HLA-DPA1: variants seen among roughly 807,000 people sequenced by gnomAD.
The protein encoded by HLA-DPA1 is HLA class II histocompatibility antigen, DP alpha 1 chain.
Under a neutral mutation model 21.5 loss-of-function variants are expected in HLA-DPA1, and 20 were observed. The observed-to-expected ratio is 0.93, with a 90% confidence interval of 0.66 to 1.35. HLA-DPA1 has a LOEUF of 1.35. Among genes scored for constraint, HLA-DPA1 ranks in the 40% most tolerant of loss-of-function variants. HLA-DPA1 has a pLI of 0.00. For missense variants in HLA-DPA1, 279 were observed against 323.0 expected, an observed-to-expected ratio of 0.86 and a Z score of 1.05; for synonymous variants, 123 against 129.6, an observed-to-expected ratio of 0.95 and a Z score of 0.35.
At chr6:33,075,247 C>T (rs542989310) in intron 1 of HLA-DPA1, among the ~76,000 whole-genome samples, 1 of 152,236 alleles carries the variant, frequency 6.6e-6, no homozygotes, top group African/African-American at 2.4e-5. Context: ...ATCTTAAGAG[C>T]TTTGCTATAA....
Position 33,080,502 on chromosome 6 carries a change from G to T in HLA-DPA1, c.-100+178C>A. On this transcript the variant is annotated intron_variant, in intron 1 of 5. Coordinates refer to ENST00000419277, the Ensembl canonical transcript of HLA-DPA1. The surrounding 1 kb of genome is among the most constrained non-coding windows in gnomAD (Gnocchi z 4.3). ...CGTGGTGAGAAAACAGGCCTGGAGAGGCTCTGCGACCCGCTTAGGACCACA... is the reference window on the plus strand; with the variant it reads ...CGTGGTGAGAAAACAGGCCTGGAGATGCTCTGCGACCCGCTTAGGACCACA... 2 of 905,966 alleles carry T rather than the reference G, an allele frequency of 2.2e-6. No homozygotes were observed. Among genetic ancestry groups the T allele is most frequent in the African/African-American group, 1.7e-5 (1 of 60,206 alleles). The allele number at this position is 905,966 out of a possible 1,614,324, so 56.1% of individuals were successfully genotyped here.
chr6:33,078,042 A>G (rs1005199377), intron 1 of HLA-DPA1, among the ~76,000 whole-genome samples: 1 of 152,076 alleles, frequency 6.6e-6, no homozygotes, highest in African/African-American at 2.4e-5. Context: ...CAGTGTCAGG[A>G]GGAAGTGACG....
intron 5 of HLA-DPA1, 127 bp from the exon 5 acceptor site, chr6:33,065,474 G>A (rs1056064954): frequency 6.6e-6 from 1 of 152,292 alleles, no homozygotes; most frequent in Admixed American, 6.6e-5. Context: ...GGGAGAAGGT[G>A]GTCATCCCTG....
intron 2 of HLA-DPA1, among the ~76,000 whole-genome samples, chr6:33,070,495 GAA>G (rs990195153): frequency 6.6e-6 from 1 of 151,984 alleles, no homozygotes; most frequent in South Asian, 2.1e-4. Flanking sequence ...AGAAAAGGTA[GAA>G]AAAAATACAA....
At chr6:33,066,590 G>A (rs1348219725) in intron 5 of HLA-DPA1, 3 of 152,088 alleles carry the variant, frequency 2.0e-5, no homozygotes. Flanking sequence ...AAAATATTAA[G>A]GATTTCTCTT....
chr6:33,073,805 G>A (rs779501016), intron 1 of HLA-DPA1, 156 bp from the exon 1 acceptor site: 2 of 509,184 alleles, frequency 3.9e-6, no homozygotes, highest in Admixed American at 7.3e-5. Context: ...TTAGGTACCA[G>A]CGTGGTCAAG....
chr6:33,068,851 G>C lies in HLA-DPA1; in HGVS notation c.629-47C>G, dbSNP rs757994269. The stretch of plus-strand genomic sequence containing the variant: ...AGGGTCAGGAGGTGCAGTGAGGGTG[G>C]TGATGGCCTGGGATGGTTGTGGGAA... On this transcript the variant is annotated intron_variant, in intron 4 of 5. Coordinates refer to ENST00000419277, the Ensembl canonical transcript of HLA-DPA1. 2.4e-5 allele frequency: 38 copies of C among 1,596,090 alleles called. 1 individual carries two copies. The highest frequency in any genetic ancestry group is 9.0e-5 in the East Asian group (4 of 44,582).
At position 33,080,336 on chromosome 6, in the gene HLA-DPA1, T is replaced by C; in HGVS notation, c.-100+344A>G. The C allele has an allele frequency of 2.0e-6, 1 of 504,422 alleles. No individual in the cohort carries two copies. The highest frequency in any genetic ancestry group is 3.9e-6 in the Non-Finnish European group (1 of 256,532). The allele number at this position is 504,422 out of a possible 1,614,324, so 31.2% of individuals were successfully genotyped here. A position where few individuals can be genotyped will look rare whatever the true frequency, so the allele number is the denominator to read the frequency against. The stretch of plus-strand genomic sequence containing the variant: ...TCCCCAGCTCCTCCCGCCCCTGTTT[T>C]TTCTCCCAGTGACCCCACGTGAAAC... On this transcript the variant is annotated intron_variant, in intron 1 of 5. Coordinates refer to ENST00000419277, the Ensembl canonical transcript of HLA-DPA1. This position sits in a 1 kb window ranked among gnomAD's most constrained non-coding sequence, Gnocchi z 4.3.
chr6:33,066,407 A>G, intron 5 of HLA-DPA1: 1 of 152,356 alleles, frequency 6.6e-6, no homozygotes, highest in East Asian at 1.9e-4. Flanking sequence ...ATAAAGAAAA[A>G]TAAAACATGA....
chr6:33,069,643 T>C (rs768879911), exon 3 of HLA-DPA1: 30 of 1,612,092 alleles, frequency 1.9e-5, no homozygotes, highest in East Asian at 4.5e-5. Flanking sequence ...GGGCGTACCG[T>C]TGGTGGCCTG....
chr6:33,076,390 G>A (rs1762540996), intron 1 of HLA-DPA1, among the ~76,000 whole-genome samples: 2 of 143,242 alleles, frequency 1.4e-5, no homozygotes, highest in South Asian at 2.2e-4. Flanking sequence ...TGTCTTTGGG[G>A]AAAATGGGAC....
At chr6:33,079,769 A>G (rs1389976938) in intron 1 of HLA-DPA1, 1 of 491,696 alleles carries the variant, frequency 2.0e-6, no homozygotes, top group Non-Finnish European at 4.0e-6. Flanking sequence ...AATTTCCTCC[A>G]GAACTGCAAA....
intron 5 of HLA-DPA1, chr6:33,068,320 C>T (rs1762063613): frequency 4.3e-6 from 1 of 235,002 alleles, no homozygotes. Context: ...AGCCCTACTA[C>T]TTCATAGCTG....
chr6:33,075,805 T>C (rs936876298), intron 1 of HLA-DPA1: 2 of 521,228 alleles, frequency 3.8e-6, no homozygotes, highest in Non-Finnish European at 6.8e-6. Flanking sequence ...TCCGTCATCT[T>C]AAGTGCATCA....
intron 1 of HLA-DPA1, among the ~76,000 whole-genome samples, chr6:33,077,026 C>T (rs935856344): frequency 4.0e-5 from 6 of 151,214 alleles, no homozygotes; most frequent in East Asian, 3.9e-4. Flanking sequence ...CCCATTAACT[C>T]GTCATTTACA....
Position 33,069,308 on chromosome 6 carries a change from G to C in HLA-DPA1, c.347-8C>G, listed in dbSNP as rs745889672. The C allele has an allele frequency of 6.2e-7, 1 of 1,610,078 alleles. No homozygotes were observed. Among genetic ancestry groups the C allele is most frequent in the Non-Finnish European group, 8.5e-7 (1 of 1,178,290 alleles). The stretch of plus-strand genomic sequence containing the variant: ...CGGTCACCTCAGGGGGATCTGGAAG[G>C]AGACAGCACCAGGTTAGGCCCCTCT... On this transcript the variant is annotated splice_region_variant and splice_polypyrimidine_tract_variant and intron_variant, in intron 3 of 5. Transcript: ENST00000419277.
Position 33,075,237 on chromosome 6 carries a change from A to C in HLA-DPA1, c.-99-1568T>G, listed in dbSNP as rs149127796. On this transcript the variant is annotated intron_variant, in intron 1 of 5. Transcript: ENST00000419277. ...ATTTCAGACCTATTGATCTCATTTG[A>C]TCTTAAGAGCTTTGCTATAAGGCAG... Among the ~76,000 whole-genome samples, 539 of 152,220 alleles carry C rather than the reference A, an allele frequency of 3.5e-3. 3 individuals carry two copies. The highest frequency in any genetic ancestry group is 0.026 in the East Asian group (133 of 5,184).
chr6:33,065,088 A>T (rs1042901), exon 6 of HLA-DPA1: 1 of 151,896 alleles, frequency 6.6e-6, no homozygotes, highest in African/African-American at 2.4e-5. Flanking sequence ...TCAAAGGAGA[A>T]CAGAGGATAA....
At chr6:33,079,575 A>C (rs1762727491) in intron 1 of HLA-DPA1, 1 of 413,844 alleles carries the variant, frequency 2.4e-6, no homozygotes, top group Admixed American at 2.9e-5. Flanking sequence ...AGAGGTCTTA[A>C]CAGTAGGGTT....
Sources: allele counts gnomAD v4.1 joint callset (sites outside exome capture counted in the v4.1 genomes callset), GRCh38; gene constraint gnomAD v4.1.1; non-coding constraint Gnocchi (gnomAD v3.1); transcripts MANE v1.5; gene names NCBI Gene and HGNC (gene_info 2026-07-23, HGNC 2026-07-21).